SLC4A2: variants seen among roughly 807,000 people sequenced by gnomAD.
SLC4A2 encodes the protein solute carrier family 4 member 2.
SLC4A2 carries 36 observed loss-of-function variants against 115.0 expected under a neutral mutation model. The observed-to-expected ratio is 0.31, with a 90% confidence interval of 0.24 to 0.41. SLC4A2 has a LOEUF of 0.41. Ranked by LOEUF, SLC4A2 falls within the 10% of genes least tolerant of loss-of-function variation. SLC4A2 has a pLI of 1.00. For synonymous variants in SLC4A2, 708 were observed against 708.3 expected (o/e 1.00, Z 0.01); for missense variants, 1,252 against 1,705.6 (o/e 0.73, Z 4.68).
intron 19 of SLC4A2, 47 bp from the exon 20 acceptor site, chr7:151,075,208 G>A (rs34581276): frequency 3.7e-5 from 60 of 1,607,060 alleles, no homozygotes; most frequent in South Asian, 1.1e-4. Context: ...TGTGGTCTGC[G>A]GAGCTGAGTC....
chr7:151,070,095 G>A lies in SLC4A2; in HGVS notation c.1283+13G>A. On this transcript the variant is annotated intron_variant, in intron 9 of 22. Coordinates refer to ENST00000413384, the MANE Select transcript of SLC4A2 (RefSeq NM_003040.4). ...TGTTGAAACACAGGTGAGGCCCTGT[G>A]GGCCAGTTGGGGATGACACTTCAGC... 1 of 1,613,894 alleles carries A rather than the reference G, an allele frequency of 6.2e-7. No homozygotes were observed. Among genetic ancestry groups the A allele is most frequent in the Non-Finnish European group, 8.5e-7 (1 of 1,179,864 alleles).
chr7:151,063,062 G>T, intron 2 of SLC4A2: 1 of 1,506,092 alleles, frequency 6.6e-7, no homozygotes, highest in Admixed American at 2.2e-5. Flanking sequence ...ACCGTGGGTG[G>T]GTGGGGGGCT....
Position 151,064,981 on chromosome 7 carries a change from A to C in SLC4A2, c.578+15A>C. 2 of 1,498,208 alleles carry C rather than the reference A, an allele frequency of 1.3e-6. No homozygotes were observed. Among genetic ancestry groups the C allele is most frequent in the Non-Finnish European group, 1.9e-6 (2 of 1,074,792 alleles). The allele number at this position is 1,498,208 out of a possible 1,614,324, so 92.8% of individuals were successfully genotyped here. On this transcript the variant is annotated intron_variant, in intron 5 of 22. Coordinates refer to ENST00000413384, the MANE Select transcript of SLC4A2 (RefSeq NM_003040.4). The stretch of plus-strand genomic sequence containing the variant: ...GCCCAGGCTGGGTAAGTACACCCCA[A>C]TCAACAGTGTCCCCAACAGACACTT...
Position 151,070,166 on chromosome 7 carries a change from C to T in SLC4A2, c.1284-15C>T. 1 of 1,614,112 alleles carries T rather than the reference C, an allele frequency of 6.2e-7. No homozygotes were observed. On this transcript the variant is annotated splice_polypyrimidine_tract_variant and intron_variant, in intron 9 of 22. Coordinates refer to ENST00000413384, the MANE Select transcript of SLC4A2 (RefSeq NM_003040.4). The stretch of plus-strand genomic sequence containing the variant: ...CATTGACCCTCCTTTGCCTCACTGC[C>T]CTCTGCCCCACCAGCCACCCAAGTG...
Position 151,064,268 on chromosome 7 carries a change from C to A in SLC4A2, c.118C>A (p.Arg40Ser). The change falls in exon 3 of 23, where the codon CGC (arginine) becomes AGC (serine). Residue 40 changes from arginine to serine, a missense_variant. Around this residue, in one of 14 missense-constraint regions of SLC4A2, gnomAD observed 74 missense variants for 85.3 expected, o/e 0.87. Coordinates refer to ENST00000413384, the MANE Select transcript of SLC4A2 (RefSeq NM_003040.4). ...FPEQEEDELH[R>S]TLGVERFEEI... ...CGAGCAGGAGGAAGACGAACTTCAC[C>A]GCACCCTGGGCGTGGAGCGGTTTGA... 6.2e-7 allele frequency: 1 copy of A among 1,612,516 alleles called. No individual in the cohort carries two copies. The highest frequency in any genetic ancestry group is 8.5e-7 in the Non-Finnish European group (1 of 1,179,942).
chr7:151,063,399 C>T (rs1486734469), intron 2 of SLC4A2, among the ~76,000 whole-genome samples: 5 of 152,192 alleles, frequency 3.3e-5, no homozygotes, highest in Admixed American at 3.3e-4. Context: ...CAGTTGTCCT[C>T]AGGCCAACTG....
chr7:151,061,711 C>T (rs1003158516), intron 1 of SLC4A2: 9 of 474,190 alleles, frequency 1.9e-5, no homozygotes, highest in South Asian at 3.7e-5. Context: ...CTCAGCCTCT[C>T]GGCCCTTTTC....
At position 151,066,550 on chromosome 7, in the gene SLC4A2, G is replaced by A. The variant is rs1434799385; in HGVS notation, c.612G>A (p.Val204=). The A allele has an allele frequency of 4.5e-6, 7 of 1,539,650 alleles. No homozygotes were observed. The highest frequency in any genetic ancestry group is 1.2e-5 in the South Asian group (1 of 82,922). ...TQVEEAEAEA[V]AVASGTAGGD... ...TGGAGGAGGCGGAGGCGGAGGCGGT[G>A]GCGGTGGCCAGTGGCACTGCAGGGG... The change falls in exon 6 of 23, where the codon GTG becomes GTA. Residue 204 remains valine, a synonymous_variant. Coordinates refer to ENST00000413384, the MANE Select transcript of SLC4A2 (RefSeq NM_003040.4).
Position 151,076,003 on chromosome 7 carries a change from C to T in SLC4A2, c.3472-10C>T, listed in dbSNP as rs374531236. The T allele has an allele frequency of 4.8e-5, 76 of 1,573,582 alleles. No individual in the cohort carries two copies. The highest frequency in any genetic ancestry group is 5.6e-5 in the Non-Finnish European group (65 of 1,158,968). ...GGAGGAAGCTGGGCTCACCTGTCTC[C>T]GCCCCCCAGGTCCGGACCCTCCGTA... On this transcript the variant is annotated splice_polypyrimidine_tract_variant and intron_variant, in intron 21 of 22. Transcript: ENST00000413384.
chr7:151,075,685 C>G lies in SLC4A2; in HGVS notation c.3381C>G (p.Val1127=). Residue 1127 remains valine, a synonymous_variant, in exon 21 of 23, where the codon GTC becomes GTG. Transcript: ENST00000413384. ...VLFGIFLYMG[V]TSLNGIQFYE... is the part of the protein sequence containing the mutation. ...TTGGAATTTTCCTGTACATGGGAGT[C>G]ACCTCCCTTAACGGGATCCAGTTCT... is the stretch of plus-strand genomic sequence containing the variant. The G allele has an allele frequency of 1.2e-6, 2 of 1,611,962 alleles. No homozygotes were observed. The highest frequency in any genetic ancestry group is 1.7e-6 in the Non-Finnish European group (2 of 1,178,918).
In SLC4A2 at chr7:151,076,393, C is replaced by CCGATGGA. The variant is rs1364388620; in HGVS notation, c.*30_*36dup. 1.4e-6 allele frequency: 2 copies of CCGATGGA among 1,469,440 alleles called. No individual in the cohort carries two copies. Among genetic ancestry groups the CCGATGGA allele is most frequent in the Admixed American group, 5.3e-5 (2 of 38,094 alleles). 91.0% of individuals were successfully genotyped at this position (1,469,440 alleles called of 1,614,324 possible). A position where few individuals can be genotyped will look rare whatever the true frequency, so the allele number is the denominator to read the frequency against. Reference sequence around the variant, plus strand: ...CCGCCACCGAGGGACAGCCGAGGGACCGATGGACGAGGGGACAGGCTGGTG... The same window carrying CCGATGGA: ...CCGCCACCGAGGGACAGCCGAGGGACCGATGGACGATGGACGAGGGGACAGGCTGGTG... On this transcript the variant is annotated 3_prime_UTR_variant, in exon 23 of 23. Transcript: ENST00000413384.
intron 8 of SLC4A2, among the ~76,000 whole-genome samples, chr7:151,069,224 G>C (rs528219313): frequency 1.1e-4 from 16 of 148,574 alleles, no homozygotes; most frequent in Non-Finnish European, 1.9e-4. Flanking sequence ...TAGGCCGTGA[G>C]TGAGGCTCAG....
chr7:151,076,022 C>T lies in SLC4A2; in HGVS notation c.3481C>T (p.Leu1161Phe). Residue 1161 changes from leucine to phenylalanine, a missense_variant, in exon 22 of 23, where the codon CTC (leucine) becomes TTC (phenylalanine). This residue lies in a region of SLC4A2 where 253 missense variants were observed against 407.4 expected (regional missense o/e 0.62). Coordinates refer to ENST00000413384, the MANE Select transcript of SLC4A2 (RefSeq NM_003040.4). ...DVTYVKKVRT[L>F]RMHLFTALQL... Reference sequence around the variant, plus strand: ...TGTCTCCGCCCCCCAGGTCCGGACCCTCCGTATGCACCTGTTCACGGCCCT... The same window carrying T: ...TGTCTCCGCCCCCCAGGTCCGGACCTTCCGTATGCACCTGTTCACGGCCCT... 1 of 1,605,676 alleles carries T rather than the reference C, an allele frequency of 6.2e-7. No individual in the cohort carries two copies. Among genetic ancestry groups the T allele is most frequent in the Non-Finnish European group, 8.5e-7 (1 of 1,176,182 alleles).
chr7:151,063,301 C>A, intron 2 of SLC4A2: 1 of 833,934 alleles, frequency 1.2e-6, no homozygotes, highest in Non-Finnish European at 1.7e-6. Context: ...GCATCCATTC[C>A]GGTCCCTGCG....
At chr7:151,067,698 G>C (rs1029805360) in intron 7 of SLC4A2, among the ~76,000 whole-genome samples, 176 bp from the exon 8 acceptor site, 2 of 152,158 alleles carry the variant, frequency 1.3e-5, no homozygotes, top group African/African-American at 4.8e-5. Flanking sequence ...CGTCTCATTG[G>C]TTAGTCAGTT....
chr7:151,066,165 T>C (rs994172519), intron 5 of SLC4A2, among the ~76,000 whole-genome samples: 1 of 152,220 alleles, frequency 6.6e-6, no homozygotes, highest in Non-Finnish European at 1.5e-5. Context: ...GCTCCTTTTC[T>C]GCACCAGGAC....
chr7:151,066,456 G>C, intron 5 of SLC4A2, 61 bp from the exon 6 acceptor site: 1 of 1,445,696 alleles, frequency 6.9e-7, no homozygotes, highest in Non-Finnish European at 9.1e-7. Flanking sequence ...CGCCTGCGTG[G>C]GTGCTGGGCG....
chr7:151,069,873 C>T, intron 8 of SLC4A2, 74 bp from the exon 9 acceptor site: 4 of 1,591,034 alleles, frequency 2.5e-6, no homozygotes, highest in Non-Finnish European at 3.4e-6. Context: ...TCCCCAGCTC[C>T]TGCTCCCCAT....
intron 7 of SLC4A2, among the ~76,000 whole-genome samples, chr7:151,067,504 TG>T (rs1275838439): frequency 6.6e-6 from 1 of 152,196 alleles, no homozygotes; most frequent in Non-Finnish European, 1.5e-5. Flanking sequence ...GTCGTTGATT[TG>T]AGTATTGTGG....
Sources: allele counts gnomAD v4.1 joint callset (sites outside exome capture counted in the v4.1 genomes callset), GRCh38; gene constraint gnomAD v4.1.1; regional missense constraint gnomAD v4.1.1; transcripts MANE v1.5; gene names NCBI Gene and HGNC (gene_info 2026-07-23, HGNC 2026-07-21).